GMDS: variants seen among roughly 807,000 people sequenced by gnomAD.
GMDS encodes the protein GDP-mannose 4,6-dehydratase.
In GMDS, 20 loss-of-function variants were observed where a neutral mutation model predicts 49.9. The observed-to-expected ratio is 0.40, with a 90% CI of 0.28 to 0.58. GMDS has a LOEUF of 0.58. Among genes scored for constraint, GMDS ranks in the 20% least tolerant of loss-of-function variants. The probability of loss-of-function intolerance (pLI) is 0.42; values close to 1 mark genes in which losing one functional copy is unlikely to be tolerated. For missense variants in GMDS, 362 were observed against 481.4 expected (o/e 0.75, Z 2.32); for synonymous variants, 177 against 178.6 (o/e 0.99, Z 0.07).
At chr6:1,828,101 T>A (rs531443346) in intron 7 of GMDS, among the ~76,000 whole-genome samples, 45 of 151,890 alleles carry the variant, frequency 3.0e-4, no homozygotes, top group African/African-American at 1.0e-3. Flanking sequence ...AGAGAAATTT[T>A]AAAAAAGAAA....
chr6:2,104,553 T>TA (rs1264781924), intron 4 of GMDS, among the ~76,000 whole-genome samples: 3 of 152,200 alleles, frequency 2.0e-5, no homozygotes, highest in African/African-American at 7.2e-5. Flanking sequence ...ATCATGTCTC[T>TA]AATCTAGAGG....
chr6:2,204,008 A>G (rs1373554035), intron 1 of GMDS, among the ~76,000 whole-genome samples: 2 of 152,180 alleles, frequency 1.3e-5, no homozygotes, highest in Non-Finnish European at 2.9e-5. Flanking sequence ...TGACTTTACA[A>G]ATTTTCTTAA....
intron 7 of GMDS, among the ~76,000 whole-genome samples, chr6:1,763,281 C>T (rs140947573): frequency 8.8e-4 from 134 of 152,266 alleles, no homozygotes; most frequent in African/African-American, 3.1e-3. Flanking sequence ...ATCTTCTTAA[C>T]CAAAAATGAA....
rs932313521 is a variant in GMDS at position 1,916,035 on chromosome 6, C to T, written c.771+14068G>A. ...GCCCAGCCACTGCTCACGCAGGCTT[C>T]GCAGGTGGAAGCTAAGCTGTACCTG... On this transcript the variant is annotated intron_variant, in intron 7 of 10. Coordinates refer to ENST00000380815, the MANE Select transcript of GMDS (RefSeq NM_001500.4). 1.2e-4 allele frequency among the ~76,000 whole-genome samples: 19 copies of T among 152,324 alleles called. 2 individuals carry two copies. The South Asian group carries it at 3.3e-3, about 27-fold the overall frequency.
chr6:1,755,217 A>G (rs944390854), intron 7 of GMDS, among the ~76,000 whole-genome samples: 1 of 152,252 alleles, frequency 6.6e-6, no homozygotes, highest in African/African-American at 2.4e-5. Flanking sequence ...AAAAATCACA[A>G]GCATTCCTAT....
Position 1,754,353 on chromosome 6 carries a change from A to G in GMDS, c.772-11767T>C, listed in dbSNP as rs554746226. Among the ~76,000 whole-genome samples, 5 of 152,352 alleles carry G rather than the reference A, an allele frequency of 3.3e-5. No homozygotes were observed. In the South Asian group the frequency reaches 1.0e-3, roughly 32 times the overall value. ...AAACCAGGAAGAAGTCAAATCCCTG[A>G]ATAGACCAATAACAAGTTCTGAAAT... On this transcript the variant is annotated intron_variant, in intron 7 of 10. Coordinates refer to ENST00000380815, the MANE Select transcript of GMDS (RefSeq NM_001500.4).
intron 7 of GMDS, among the ~76,000 whole-genome samples, chr6:1,785,986 T>C (rs556433449): frequency 1.3e-5 from 2 of 152,230 alleles, no homozygotes; most frequent in African/African-American, 4.8e-5. Context: ...TAGTCAGAAA[T>C]CTGAAATATT....
intron 2 of GMDS, among the ~76,000 whole-genome samples, chr6:2,122,139 C>T (rs141293655): frequency 1.9e-3 from 295 of 152,272 alleles, no homozygotes; most frequent in African/African-American, 6.7e-3. Context: ...CAAGGCCTCA[C>T]GGATTTAAAA....
At chr6:2,241,238 C>T (rs748946482) in intron 1 of GMDS, among the ~76,000 whole-genome samples, 1 of 152,112 alleles carries the variant, frequency 6.6e-6, no homozygotes, top group Non-Finnish European at 1.5e-5. Flanking sequence ...ACCCAATGAC[C>T]GTACAACCAT....
chr6:1,779,042 C>T (rs142730102), intron 7 of GMDS, among the ~76,000 whole-genome samples: 137 of 152,072 alleles, frequency 9.0e-4, no homozygotes, highest in African/African-American at 2.8e-3. Context: ...GAGGAGGGAG[C>T]GCTCAAGTGG....
chr6:1,950,310 T>C (rs1004810541), intron 6 of GMDS, among the ~76,000 whole-genome samples: 3 of 152,240 alleles, frequency 2.0e-5, no homozygotes, highest in Non-Finnish European at 4.4e-5. Context: ...CAGTTCTAAC[T>C]GTTGTTTTAT....
intron 7 of GMDS, among the ~76,000 whole-genome samples, chr6:1,872,453 T>C (rs1213709025): frequency 2.6e-5 from 4 of 152,240 alleles, no homozygotes; most frequent in African/African-American, 4.8e-5. Flanking sequence ...AGACTCCTTT[T>C]AGCATTTTTT....
intron 9 of GMDS, among the ~76,000 whole-genome samples, chr6:1,655,496 TAC>T (rs70989195): frequency 6.3e-4 from 34 of 53,556 alleles, no homozygotes; most frequent in Middle Eastern, 0.017. Context: ...CACACACACA[TAC>T]ACACACACAC....
chr6:1,791,959 T>C (rs1308933299), intron 7 of GMDS, among the ~76,000 whole-genome samples: 2 of 152,146 alleles, frequency 1.3e-5, no homozygotes, highest in Non-Finnish European at 2.9e-5. Context: ...TTTCAATACT[T>C]ATAGTTTGCC....
At chr6:1,968,681 C>T (rs1179684926) in intron 4 of GMDS, among the ~76,000 whole-genome samples, 3 of 152,156 alleles carry the variant, frequency 2.0e-5, no homozygotes, top group East Asian at 3.9e-4. Flanking sequence ...TCTGCCAACA[C>T]TGACCCACTG....
chr6:1,743,441 G>T (rs1332824804), intron 7 of GMDS, among the ~76,000 whole-genome samples: 1 of 148,690 alleles, frequency 6.7e-6, no homozygotes, highest in African/African-American at 2.5e-5. Context: ...TACTCGGGAG[G>T]CTGAGGCAGG....
chr6:1,686,916 T>A (rs1432544416), intron 9 of GMDS, among the ~76,000 whole-genome samples: 1 of 152,242 alleles, frequency 6.6e-6, no homozygotes, highest in Non-Finnish European at 1.5e-5. Flanking sequence ...TAGTAAGGAT[T>A]AAATTTAATT....
chr6:1,829,176 G>A, intron 7 of GMDS, among the ~76,000 whole-genome samples: 1 of 152,128 alleles, frequency 6.6e-6, no homozygotes, highest in East Asian at 1.9e-4. Context: ...CTCAGGAGTG[G>A]CAGAAGTGGA....
At chr6:1,631,565 T>C (rs576393318) in intron 9 of GMDS, among the ~76,000 whole-genome samples, 1 of 152,274 alleles carries the variant, frequency 6.6e-6, no homozygotes, top group African/African-American at 2.4e-5. Flanking sequence ...GGGGTTTTTT[T>C]CCTTTGTGGT....
Sources: allele counts gnomAD v4.1 joint callset (sites outside exome capture counted in the v4.1 genomes callset), GRCh38; gene constraint gnomAD v4.1.1; transcripts MANE v1.5; gene names NCBI Gene and HGNC (gene_info 2026-07-23, HGNC 2026-07-21).